LETMD1: variants seen among roughly 807,000 people sequenced by gnomAD.
LETMD1 encodes the protein LETM1 domain containing 1.
Under a neutral mutation model 43.9 loss-of-function variants are expected in LETMD1, and 30 were observed. The observed-to-expected ratio is 0.68, with a 90% CI of 0.51 to 0.93. LETMD1 has a LOEUF of 0.93. LETMD1 is among the 40% of genes least tolerant of loss of function. The pLI, the probability that LETMD1 is intolerant of heterozygous loss-of-function variation, is 0.00. For missense variants in LETMD1, 413 were observed against 447.7 expected (o/e 0.92, Z 0.70); for synonymous variants, 176 against 163.1 (o/e 1.08, Z -0.60).
the LETMD1 span, chr12:51,067,825 G>A: frequency 6.8e-6 from 11 of 1,614,120 alleles, no homozygotes; most frequent in South Asian, 3.3e-5. This position sits in a 1 kb window ranked among gnomAD's most constrained non-coding sequence, Gnocchi z 4.1. Context: ...GCCCTCAGCA[G>A]GGCCCGTCGC....
At chr12:51,052,549 G>A (rs751398993) in intron 3 of LETMD1, among the ~76,000 whole-genome samples, 14 of 152,152 alleles carry the variant, frequency 9.2e-5, no homozygotes, top group Non-Finnish European at 1.5e-4. Context: ...TTGGGAAGCC[G>A]AGGCAGGCAG....
At position 51,055,859 on chromosome 12, in the gene LETMD1, G is replaced by C; in HGVS notation, c.498G>C (p.Leu166=). 6.2e-7 allele frequency: 1 copy of C among 1,612,076 alleles called. No individual in the cohort carries two copies. The highest frequency in any genetic ancestry group is 1.3e-5 in the African/African-American group (1 of 74,910). Residue 166 remains leucine (L), a synonymous_variant, in exon 5 of 9, where the codon CTG becomes CTC. Coordinates refer to ENST00000262055, the MANE Select transcript of LETMD1 (RefSeq NM_015416.5). ...LLMYLFPRQL[L]IRHFWTPKQQ... is the part of the protein sequence containing the mutation. ...GGTACCTGTTTCCCAGGCAACTACT[G>C]ATCAGGCATTTCTGGACCCCAAAAC...
downstream of LETMD1, chr12:51,064,248 G>A (rs746254287): frequency 6.2e-7 from 1 of 1,613,302 alleles, no homozygotes; most frequent in Admixed American, 1.7e-5. Flanking sequence ...GAGAATGGGG[G>A]CTGTAAGGCC....
At chr12:51,057,934 C>T in intron 7 of LETMD1, 98 bp from the exon 8 acceptor site, 3 of 929,546 alleles carry the variant, frequency 3.2e-6, no homozygotes, top group Non-Finnish European at 3.6e-6. Context: ...GAGATTGTAA[C>T]TTATTTAAAG....
downstream of LETMD1, chr12:51,063,651 G>T: frequency 2.1e-6 from 2 of 958,842 alleles, no homozygotes; most frequent in Non-Finnish European, 3.0e-6. Context: ...TAACATGGGA[G>T]CAGCAGCTGC....
chr12:51,048,536 A>T (rs775722827), intron 1 of LETMD1, 58 bp downstream of exon 1: 1 of 1,594,450 alleles, frequency 6.3e-7, no homozygotes, highest in African/African-American at 1.3e-5. Flanking sequence ...CAGTGTCTCA[A>T]CCTTGCTTGC....
At position 51,059,649 on chromosome 12, in the gene LETMD1, C is replaced by T. The variant is rs530570930; in HGVS notation, c.*218C>T. Reference sequence around the variant, plus strand: ...ACAAACCCTCTTGCTAGGGGTGGTCCGTGTGAGGTGTCATCCTGTCCCCCT... The same window carrying T: ...ACAAACCCTCTTGCTAGGGGTGGTCTGTGTGAGGTGTCATCCTGTCCCCCT... On this transcript the variant is annotated 3_prime_UTR_variant, in exon 9 of 9. Transcript: ENST00000262055. 5.2e-5 allele frequency: 29 copies of T among 557,644 alleles called. No individual in the cohort carries two copies. In the East Asian group the frequency reaches 7.6e-4, roughly 15 times the overall value. The allele number at this position is 557,644 out of a possible 1,614,324, so 34.5% of individuals were successfully genotyped here.
At chr12:51,062,379 AACAGAG>A (rs1937664263), downstream of LETMD1, 1 of 152,212 alleles carries the variant, frequency 6.6e-6, no homozygotes, top group African/African-American at 2.4e-5. Context: ...TCCATTTTAG[AACAGAG>A]ACAAAGATCA....
At position 51,052,318 on chromosome 12, in the gene LETMD1, C is replaced by T; in HGVS notation, c.390+111C>T. The stretch of plus-strand genomic sequence containing the variant: ...GTTCACCATTGATCAAGCTTTTGCC[C>T]TTTGCCGTGAGAACAAAATATTGAA... On this transcript the variant is annotated intron_variant, in intron 3 of 8. Coordinates refer to ENST00000262055, the MANE Select transcript of LETMD1 (RefSeq NM_015416.5). 3 of 1,324,210 alleles carry T rather than the reference C, an allele frequency of 2.3e-6. No homozygotes were observed. In the South Asian group the frequency reaches 4.3e-5, roughly 19 times the overall value. The allele number at this position is 1,324,210 out of a possible 1,614,324, so 82.0% of individuals were successfully genotyped here.
downstream of LETMD1, chr12:51,061,773 C>A (rs1948838855): frequency 6.6e-6 from 1 of 152,174 alleles, no homozygotes; most frequent in African/African-American, 2.4e-5. Flanking sequence ...GAATCTACTT[C>A]CTAGATTAAG....
At chr12:51,060,901 C>CA (rs35850463), downstream of LETMD1, among the ~76,000 whole-genome samples, 16,661 of 64,844 alleles carry the variant, frequency 0.26, 1,585 homozygotes, top group South Asian at 0.33. Context: ...GATTCTGTCT[C>CA]AAAAAAAAAA....
intron 1 of LETMD1, chr12:51,048,756 C>A: frequency 1.7e-6 from 1 of 590,952 alleles, no homozygotes; most frequent in Middle Eastern, 4.5e-4. Flanking sequence ...TATCTCGATT[C>A]CACCTCTTTC....
At chr12:51,067,571 A>T in the LETMD1 span, 1 of 1,142,720 alleles carries the variant, frequency 8.8e-7, no homozygotes, top group Non-Finnish European at 1.3e-6. This position sits in a 1 kb window ranked among gnomAD's most constrained non-coding sequence, Gnocchi z 4.1. Context: ...TCACAACCAT[A>T]GGGAATCCAC....
At chr12:51,064,292 C>T (rs893692140), downstream of LETMD1, 5 of 1,613,480 alleles carry the variant, frequency 3.1e-6, no homozygotes, top group Admixed American at 1.7e-5. Context: ...CCAGAGGCTC[C>T]TCTAGGATGC....
chr12:51,061,429 A>C (rs1240568850), downstream of LETMD1: 1 of 152,640 alleles, frequency 6.6e-6, no homozygotes, highest in African/African-American at 2.4e-5. Flanking sequence ...CTGGGACTGA[A>C]GCTATCTGCT....
Position 51,059,419 on chromosome 12 carries a change from G to C in LETMD1, c.1071G>C (p.Gly357=). The C allele has an allele frequency of 6.2e-7, 1 of 1,614,146 alleles. No homozygotes were observed. Residue 357 remains glycine, a synonymous_variant, in exon 9 of 9, where the codon GGG becomes GGC. Transcript: ENST00000262055. ...NVVLLSTNYL[G]TRR is the part of the protein sequence containing the mutation. ...TCCTGCTCTCCACCAACTACCTTGG[G>C]ACAAGGCGCTGAATGAACCATGGAG...
At chr12:51,053,546 G>A (rs56883422) in intron 3 of LETMD1, among the ~76,000 whole-genome samples, 4,174 of 152,274 alleles carry the variant, frequency 0.027, 201 homozygotes, top group African/African-American at 0.096. Flanking sequence ...GGGTGGCTGA[G>A]GCAGGAGGAT....
intron 5 of LETMD1, 52 bp downstream of exon 5, chr12:51,056,073 T>C (rs764145826): frequency 3.7e-6 from 6 of 1,607,030 alleles, no homozygotes; most frequent in Non-Finnish European, 5.1e-6. Flanking sequence ...TTAGATTCAG[T>C]GTGCACTAAA....
intron 1 of LETMD1, 109 bp from the exon 2 acceptor site, chr12:51,048,925 T>C: frequency 9.4e-7 from 1 of 1,067,462 alleles, no homozygotes; most frequent in Non-Finnish European, 1.4e-6. Context: ...TTCAGAAGTG[T>C]CAAGCCTTGG....
Sources: allele counts gnomAD v4.1 joint callset (sites outside exome capture counted in the v4.1 genomes callset), GRCh38; gene constraint gnomAD v4.1.1; non-coding constraint Gnocchi (gnomAD v3.1); transcripts MANE v1.5; gene names NCBI Gene and HGNC (gene_info 2026-07-23, HGNC 2026-07-21).